The following ANKS1B variants were observed in gnomAD, a reference collection of about 807,000 sequenced individuals.
The protein encoded by ANKS1B is ankyrin repeat and sterile alpha motif domain-containing protein 1B.
A neutral mutation model predicts 148.3 loss-of-function variants in ANKS1B; 36 were observed. The ratio of observed to expected loss-of-function variants is 0.24; its 90% CI spans 0.19 to 0.32. The LOEUF is 0.32. Ranked by LOEUF, ANKS1B falls within the 10% of genes least tolerant of loss-of-function variation. The pLI, the probability that ANKS1B is intolerant of heterozygous loss-of-function variation, is 1.00. For missense variants in ANKS1B, 1,157 were observed against 1,542.6 expected, an observed-to-expected ratio of 0.75 and a Z score of 4.19; for synonymous variants, 542 against 560.8, an observed-to-expected ratio of 0.97 and a Z score of 0.47.
chr12:99,539,284 C>G (rs1332354632), intron 9 of ANKS1B, among the ~76,000 whole-genome samples: 1 of 152,014 alleles, frequency 6.6e-6, no homozygotes, highest in Non-Finnish European at 1.5e-5. Context: ...CTGCATAAAG[C>G]AATAATTACA....
chr12:99,759,262 A>G (rs140844495), intron 8 of ANKS1B, among the ~76,000 whole-genome samples: 1 of 152,072 alleles, frequency 6.6e-6, no homozygotes, highest in Non-Finnish European at 1.5e-5. Context: ...TGGCAAAGCC[A>G]TGTGAAAATA....
chr12:99,715,608 G>A (rs1159980855), intron 8 of ANKS1B, among the ~76,000 whole-genome samples: 2 of 152,066 alleles, frequency 1.3e-5, no homozygotes, highest in East Asian at 1.9e-4. Context: ...GCCGTGACTC[G>A]GATCAGGGGA....
intron 4 of ANKS1B, among the ~76,000 whole-genome samples, chr12:99,785,017 T>C (rs1313443725): frequency 6.6e-6 from 1 of 152,138 alleles, no homozygotes; most frequent in African/African-American, 2.4e-5. Flanking sequence ...AGCAAAGTAC[T>C]TTGAAAATAT....
At chr12:99,401,449 T>C (rs1403560314) in intron 11 of ANKS1B, among the ~76,000 whole-genome samples, 1 of 146,300 alleles carries the variant, frequency 6.8e-6, no homozygotes, top group African/African-American at 2.6e-5. Flanking sequence ...TTTATAAAGG[T>C]CAAGCCAAAT....
chr12:99,492,379 A>G (rs1332937347), intron 10 of ANKS1B, among the ~76,000 whole-genome samples: 1 of 152,190 alleles, frequency 6.6e-6, no homozygotes, highest in Non-Finnish European at 1.5e-5. Flanking sequence ...AAACAGCCCA[A>G]TAACAAGCTC....
In ANKS1B at chr12:99,718,951, C is replaced by T. The variant is rs568315685; in HGVS notation, c.1128+53971G>A. ...TCTTGGCATAATTCTTATAAAAACA[C>T]ACACGTGCTCTCCCTGCTGATTGTG... On this transcript the variant is annotated intron_variant, in intron 8 of 26. Transcript: ENST00000683438. 5.5e-5 allele frequency among the ~76,000 whole-genome samples: 8 copies of T among 145,044 alleles called. No individual in the cohort carries two copies. In the East Asian group the frequency reaches 1.2e-3, roughly 21 times the overall value.
intron 11 of ANKS1B, among the ~76,000 whole-genome samples, chr12:99,424,156 T>C (rs1175216827): frequency 6.6e-6 from 1 of 152,196 alleles, no homozygotes; most frequent in African/African-American, 2.4e-5. Context: ...TTTATTTCAG[T>C]GTAATATAAT....
At chr12:99,060,815 A>T (rs1029513796) in intron 16 of ANKS1B, among the ~76,000 whole-genome samples, 1 of 152,054 alleles carries the variant, frequency 6.6e-6, no homozygotes, top group South Asian at 2.1e-4. Flanking sequence ...CACAGGATGG[A>T]AGGTATAGCA....
intron 8 of ANKS1B, among the ~76,000 whole-genome samples, chr12:99,675,439 A>C (rs2098558300): frequency 6.6e-6 from 1 of 152,004 alleles, no homozygotes; most frequent in African/African-American, 2.4e-5. Flanking sequence ...TTATTTTAAT[A>C]TGTTGCACTG....
intron 9 of ANKS1B, among the ~76,000 whole-genome samples, chr12:99,518,754 C>A (rs964415304): frequency 6.6e-6 from 1 of 151,800 alleles, no homozygotes; most frequent in Non-Finnish European, 1.5e-5. Flanking sequence ...TTTAATATTT[C>A]TTTTCTACTA....
intron 9 of ANKS1B, among the ~76,000 whole-genome samples, chr12:99,568,976 T>C (rs907628606): frequency 1.3e-5 from 2 of 152,210 alleles, no homozygotes. Context: ...TTCTCCAAAG[T>C]ACTGCAAATC....
chr12:99,755,071 TAAA>T (rs59946297), intron 8 of ANKS1B, among the ~76,000 whole-genome samples: 19 of 149,464 alleles, frequency 1.3e-4, no homozygotes, highest in African/African-American at 2.9e-4. Flanking sequence ...AGCTGCTTTT[TAAA>T]AAAAAAAATT....
chr12:99,945,130 T>C (rs1045971588), intron 1 of ANKS1B, among the ~76,000 whole-genome samples: 1 of 152,098 alleles, frequency 6.6e-6, no homozygotes, highest in South Asian at 2.1e-4. Context: ...AAGACAAAGA[T>C]ATGAAATGAT....
At position 98,931,419 on chromosome 12, in the gene ANKS1B, T is replaced by C. The variant is rs1199323188; in HGVS notation, c.2779-99283A>G. 2.6e-5 allele frequency among the ~76,000 whole-genome samples: 4 copies of C among 152,266 alleles called. No individual in the cohort carries two copies. The East Asian group carries it at 7.7e-4, about 29-fold the overall frequency. On this transcript the variant is annotated intron_variant, in intron 17 of 26. Coordinates refer to ENST00000683438, the MANE Select transcript of ANKS1B (RefSeq NM_001352186.2). ...AAGAAAGGGGGGAAATAACCAAATTTGAAGTTCTAGGTAAATACAATAAGG... is the reference window on the plus strand; with the variant it reads ...AAGAAAGGGGGGAAATAACCAAATTCGAAGTTCTAGGTAAATACAATAAGG...
chr12:98,889,042 GT>G (rs2099746470), intron 17 of ANKS1B, among the ~76,000 whole-genome samples: 1 of 152,176 alleles, frequency 6.6e-6, no homozygotes. Context: ...AAAGGCTTGT[GT>G]TTGCAAAGCT....
At chr12:98,915,886 C>T (rs1017867018) in intron 17 of ANKS1B, among the ~76,000 whole-genome samples, 5 of 152,182 alleles carry the variant, frequency 3.3e-5, no homozygotes, top group African/African-American at 1.2e-4. Context: ...GCCGCCCCAT[C>T]TAGCTCTCAG....
At chr12:99,910,426 C>T (rs2093965622) in intron 1 of ANKS1B, among the ~76,000 whole-genome samples, 1 of 135,524 alleles carries the variant, frequency 7.4e-6, no homozygotes, top group Non-Finnish European at 1.6e-5. Context: ...ATTCTGAAAA[C>T]ATGCTAAGTG....
At chr12:99,100,376 T>C (rs1157825259) in intron 15 of ANKS1B, among the ~76,000 whole-genome samples, 1 of 152,194 alleles carries the variant, frequency 6.6e-6, no homozygotes, top group African/African-American at 2.4e-5. Flanking sequence ...ACTCACACTA[T>C]CATTTCACAA....
intron 17 of ANKS1B, among the ~76,000 whole-genome samples, chr12:98,943,765 C>T (rs2099840722): frequency 6.6e-6 from 1 of 152,206 alleles, no homozygotes; most frequent in African/African-American, 2.4e-5. Flanking sequence ...CCCACCTTTG[C>T]CGTCTACCCT....
Sources: gnomAD v4.1 joint callset for allele counts (sites outside exome capture counted in the v4.1 genomes callset) on GRCh38, gnomAD v4.1.1 for gene constraint, MANE v1.5 for transcripts, NCBI Gene and HGNC (gene_info 2026-07-23, HGNC 2026-07-21) for gene names.